RBM22: variants seen among roughly 807,000 people sequenced by gnomAD.
RBM22 encodes RNA binding motif protein 22.
Under a neutral mutation model 50.1 loss-of-function variants are expected in RBM22, and 1 was observed. The observed-to-expected ratio is 0.02, with a 90% CI of 0.01 to 0.09. RBM22 has a LOEUF of 0.09. Among genes scored for constraint, RBM22 ranks in the 10% least tolerant of loss-of-function variants. The probability of loss-of-function intolerance (pLI) is 1.00; values close to 1 mark genes in which losing one functional copy is unlikely to be tolerated. For synonymous variants in RBM22, 152 were observed against 179.0 expected (o/e 0.85, Z 1.20); for missense variants, 264 against 529.3 (o/e 0.50, Z 4.92).
Position 150,699,274 on chromosome 5 carries a change from A to G in RBM22, c.109-3T>C, listed in dbSNP as rs766136839. Reference sequence around the variant, plus strand: ...TCCTTCCCATACTTTTCTTTGGTCTATAATAGAAAAAAAATAGAAAAGAAC... The same window carrying G: ...TCCTTCCCATACTTTTCTTTGGTCTGTAATAGAAAAAAAATAGAAAAGAAC... On this transcript the variant is annotated splice_region_variant and splice_polypyrimidine_tract_variant and intron_variant, in intron 2 of 10. Coordinates refer to ENST00000199814, the MANE Select transcript of RBM22 (RefSeq NM_018047.3). 3.8e-6 allele frequency: 6 copies of G among 1,573,560 alleles called. No homozygotes were observed. In the East Asian group the frequency reaches 6.9e-5, roughly 18 times the overall value.
At chr5:150,699,522 C>T (rs115701575) in intron 2 of RBM22, among the ~76,000 whole-genome samples, 2 of 152,332 alleles carry the variant, frequency 1.3e-5, no homozygotes, top group African/African-American at 4.8e-5. Context: ...CAGTGGCTCA[C>T]GCCTGTAATC....
At chr5:150,692,788 T>C (rs1425996798) in intron 10 of RBM22, 107 bp downstream of exon 10, 2 of 1,284,708 alleles carry the variant, frequency 1.6e-6, no homozygotes, top group Non-Finnish European at 2.1e-6. Context: ...GGTAGACTTC[T>C]ACAGAGCAAA....
intron 10 of RBM22, among the ~76,000 whole-genome samples, chr5:150,692,358 G>A (rs1759219369): frequency 6.6e-6 from 1 of 152,118 alleles, no homozygotes; most frequent in African/African-American, 2.4e-5. Flanking sequence ...AGTGCTATAC[G>A]AAGTGCCAGT....
Position 150,700,995 on chromosome 5 carries a change from G to A in RBM22, c.-10C>T. On this transcript the variant is annotated 5_prime_UTR_variant, in exon 1 of 11. It adds an upstream start codon to the 5' untranslated region. Coordinates refer to ENST00000199814, the MANE Select transcript of RBM22 (RefSeq NM_018047.3). ...CCAGAGAGGTCGCCATCTTGAGAGC[G>A]TCCGGAGGTAGCTGTAGCTTCCGAA... 6.2e-7 allele frequency: 1 copy of A among 1,614,208 alleles called. No homozygotes were observed. The highest frequency in any genetic ancestry group is 8.5e-7 in the Non-Finnish European group (1 of 1,180,038).
chr5:150,696,562 C>G lies in RBM22; in HGVS notation c.516G>C (p.Glu172Asp). 1 of 1,613,886 alleles carries G rather than the reference C, an allele frequency of 6.2e-7. No individual in the cohort carries two copies. Among genetic ancestry groups the G allele is most frequent in the Non-Finnish European group, 8.5e-7 (1 of 1,179,960 alleles). Residue 172 changes from glutamate to aspartate, a missense_variant, in exon 6 of 11, where the codon GAG (glutamate) becomes GAC (aspartate). By Grantham distance (45) the Glu-to-Asp change is conservative. Transcript: ENST00000199814. The surrounding 1 kb of genome is among the most constrained non-coding windows in gnomAD (Gnocchi z 4.3). The part of the protein sequence containing the change: ...PHICSFWVKG[E>D]CKRGEECPYR... ...ATGGACATTCCTCTCCTCTCTTACACTCTCCTTTCACCCAGAAGGAGCAAA... is the reference window on the plus strand; with the variant it reads ...ATGGACATTCCTCTCCTCTCTTACAGTCTCCTTTCACCCAGAAGGAGCAAA...
At chr5:150,700,802 G>A (rs773449537) in intron 1 of RBM22, 130 bp downstream of exon 1, 2 of 1,587,214 alleles carry the variant, frequency 1.3e-6, no homozygotes, top group Non-Finnish European at 1.7e-6. Flanking sequence ...CTCCTGCTCC[G>A]GCCAAGCTAG....
At position 150,691,625 on chromosome 5, in the gene RBM22, G is replaced by T; in HGVS notation, c.*126C>A. 1.7e-6 allele frequency: 2 copies of T among 1,154,602 alleles called. No individual in the cohort carries two copies. Among genetic ancestry groups the T allele is most frequent in the Non-Finnish European group, 2.3e-6 (2 of 865,398 alleles). The allele number at this position is 1,154,602 out of a possible 1,614,324, so 71.5% of individuals were successfully genotyped here. A position where few individuals can be genotyped will look rare whatever the true frequency, so the allele number is the denominator to read the frequency against. ...AAAGCATGGCTGTCAGTCTCTGACT[G>T]CTCACATCTGAGCACATTCAGCTAC... is the stretch of plus-strand genomic sequence containing the variant. On this transcript the variant is annotated 3_prime_UTR_variant, in exon 11 of 11. Transcript: ENST00000199814.
rs777469962 is a variant in RBM22, at chr5:150,696,589, G to A, written c.489C>T (p.His163=). 4 of 1,614,064 alleles carry A rather than the reference G, an allele frequency of 2.5e-6. No homozygotes were observed. Among genetic ancestry groups the A allele is most frequent in the South Asian group, 1.1e-5 (1 of 91,078 alleles). Residue 163 remains histidine, a synonymous_variant, in exon 6 of 11, where the codon CAC becomes CAT. Transcript: ENST00000199814. The surrounding 1 kb of genome is among the most constrained non-coding windows in gnomAD (Gnocchi z 4.3). ...TTPYYKRNRP[H]ICSFWVKGEC... is the part of the protein sequence containing the mutation. ...CTCCTTTCACCCAGAAGGAGCAAAT[G>A]TGGGGTCGATTCCTTTTGTAGTAGG...
intron 2 of RBM22, 64 bp from the exon 3 acceptor site, chr5:150,699,335 CT>C: frequency 6.6e-7 from 1 of 1,505,556 alleles, no homozygotes; most frequent in Non-Finnish European, 8.9e-7. Flanking sequence ...GATGTCTACT[CT>C]TTCCTTAAAC....
At chr5:150,699,968 A>G (rs1759324146) in intron 2 of RBM22, among the ~76,000 whole-genome samples, 3 of 152,360 alleles carry the variant, frequency 2.0e-5, no homozygotes, top group African/African-American at 2.4e-5. Context: ...TAACCTTATT[A>G]TTGTTAACTG....
intron 8 of RBM22, among the ~76,000 whole-genome samples, chr5:150,693,582 A>C (rs1017972907): frequency 6.6e-6 from 1 of 152,172 alleles, no homozygotes; most frequent in African/African-American, 2.4e-5. Context: ...GCGCTCCACA[A>C]AGGCAGATGC....
intron 8 of RBM22, among the ~76,000 whole-genome samples, chr5:150,693,635 T>C (rs1352829676): frequency 6.6e-6 from 1 of 152,252 alleles, no homozygotes; most frequent in Non-Finnish European, 1.5e-5. Flanking sequence ...TGGAGACATG[T>C]TCCCCCTTTG....
At chr5:150,694,031 T>TA (rs950017160) in intron 8 of RBM22, 45 bp downstream of exon 8, 71 of 1,589,312 alleles carry the variant, frequency 4.5e-5, no homozygotes, top group Non-Finnish European at 6.0e-5. Context: ...AATAGTTTCT[T>TA]AAAAATCTAA....
rs28411382 is a variant in RBM22 at position 150,701,052 on chromosome 5, G to A, written c.-67C>T. ...GAGAGGACCGCCACAATCCCGTCAAGCCCCGAGGCTAGCGCCGCGCCGGTC... is the reference window on the plus strand; with the variant it reads ...GAGAGGACCGCCACAATCCCGTCAAACCCCGAGGCTAGCGCCGCGCCGGTC... On this transcript the variant is annotated 5_prime_UTR_variant, in exon 1 of 11. Coordinates refer to ENST00000199814, the MANE Select transcript of RBM22 (RefSeq NM_018047.3). 0.015 allele frequency: 23,419 copies of A among 1,604,928 alleles called. 1,695 individuals are homozygous for A. The African/African-American group carries it at 0.2, about 13-fold the overall frequency.
rs200014509 is a variant in RBM22 at position 150,700,993 on chromosome 5, G to A, written c.-8C>T. 5.1e-4 allele frequency: 817 copies of A among 1,614,126 alleles called. No homozygotes were observed. Among genetic ancestry groups the A allele is most frequent in the Non-Finnish European group, 6.5e-4 (770 of 1,180,042 alleles). ...ACCCAGAGAGGTCGCCATCTTGAGA[G>A]CGTCCGGAGGTAGCTGTAGCTTCCG... is the stretch of plus-strand genomic sequence containing the variant. On this transcript the variant is annotated 5_prime_UTR_variant, in exon 1 of 11. Coordinates refer to ENST00000199814, the MANE Select transcript of RBM22 (RefSeq NM_018047.3).
intron 1 of RBM22, 109 bp downstream of exon 1, chr5:150,700,823 T>A (rs765331639): frequency 6.2e-7 from 1 of 1,607,166 alleles, no homozygotes; most frequent in Non-Finnish European, 8.5e-7. Context: ...GCCGCCGCGC[T>A]GGCTCCTCCC....
Position 150,700,956 on chromosome 5 carries a change from G to A in RBM22, c.30C>T (p.Tyr10=). ...CCGCATCCTCCCAGTTCTGCCTGTT[G>A]TAGGTGTTGGAACCCAGAGAGGTCG... MATSLGSNT[Y]NRQNWEDADF... The change falls in exon 1 of 11, where the codon TAC becomes TAT. Residue 10 remains tyrosine, a synonymous_variant. Coordinates refer to ENST00000199814, the MANE Select transcript of RBM22 (RefSeq NM_018047.3). 1 of 1,614,234 alleles carries A rather than the reference G, an allele frequency of 6.2e-7. No homozygotes were observed. Among genetic ancestry groups the A allele is most frequent in the Non-Finnish European group, 8.5e-7 (1 of 1,180,034 alleles).
chr5:150,690,797 A>T lies in RBM22; in HGVS notation c.*954T>A, dbSNP rs898100564. 4 of 152,340 alleles carry T rather than the reference A, an allele frequency of 2.6e-5. No homozygotes were observed. The highest frequency in any genetic ancestry group is 6.5e-5 in the Admixed American group (1 of 15,276). The allele number at this position is 152,340 out of a possible 1,614,324, so 9.4% of individuals were successfully genotyped here. A position where few individuals can be genotyped will look rare whatever the true frequency, so the allele number is the denominator to read the frequency against. ...AATAAACCCATGACAACATGTGAAA[A>T]ATTGACCCGTTTTAATTATTTAAAA... is the stretch of plus-strand genomic sequence containing the variant. On this transcript the variant is annotated 3_prime_UTR_variant, in exon 11 of 11. Transcript: ENST00000199814.
At chr5:150,699,159 CA>C (rs747984503) in intron 3 of RBM22, 82 bp downstream of exon 3, 37 of 1,515,496 alleles carry the variant, frequency 2.4e-5, no homozygotes, top group Non-Finnish European at 3.2e-5. Context: ...TGGAAGACCT[CA>C]AAACTTAGTA....
Sources: gnomAD v4.1 joint callset for allele counts (sites outside exome capture counted in the v4.1 genomes callset) on GRCh38, gnomAD v4.1.1 for gene constraint, Gnocchi (gnomAD v3.1) non-coding constraint, MANE v1.5 for transcripts, NCBI Gene and HGNC (gene_info 2026-07-23, HGNC 2026-07-21) for gene names.